VPS13B: variants seen among roughly 807,000 people sequenced by gnomAD.
The protein encoded by VPS13B is vacuolar protein sorting 13 homolog B, also known as intermembrane lipid transfer protein VPS13B.
VPS13B carries 285 observed loss-of-function variants against 426.4 expected under a neutral mutation model. The ratio of observed to expected loss-of-function variants is 0.67; its 90% CI spans 0.61 to 0.74. The LOEUF (loss-of-function observed/expected upper bound fraction) is 0.74, where lower values mean the gene tolerates loss of function less well. VPS13B is among the 30% of genes least tolerant of loss of function. The pLI is 0.00. For synonymous variants in VPS13B, 1,676 were observed against 1,676.4 expected (o/e 1.00, Z 0.01); for missense variants, 4,537 against 4,782.6 (o/e 0.95, Z 1.51).
intron 36 of VPS13B, among the ~76,000 whole-genome samples, chr8:99,707,263 T>C (rs1236178856): frequency 6.6e-6 from 1 of 152,170 alleles, no homozygotes; most frequent in Non-Finnish European, 1.5e-5. Context: ...CAAAAGTTAC[T>C]CTGTAGTGCA....
intron 36 of VPS13B, among the ~76,000 whole-genome samples, chr8:99,715,286 G>A (rs2130303526): frequency 6.6e-6 from 1 of 152,276 alleles, no homozygotes; most frequent in Non-Finnish European, 1.5e-5. Flanking sequence ...CAGTTCAATG[G>A]AACATGTCCT....
Position 99,506,957 on chromosome 8 carries a change from A to G in VPS13B, c.4158-180A>G, listed in dbSNP as rs534715147. ...ATTTACCATGAAGACAAATGTTCTT[A>G]TGCAGAACTGTCAGAGTGCGGTGCT... On this transcript the variant is annotated intron_variant, in intron 27 of 61. Transcript: ENST00000357162. Among the ~76,000 whole-genome samples, 4 of 152,388 alleles carry G rather than the reference A, an allele frequency of 2.6e-5. No individual in the cohort carries two copies. In the South Asian group the frequency reaches 8.3e-4, roughly 32 times the overall value.
intron 33 of VPS13B, among the ~76,000 whole-genome samples, chr8:99,630,290 C>T (rs920548567): frequency 6.6e-6 from 1 of 152,124 alleles, no homozygotes; most frequent in Non-Finnish European, 1.5e-5. Context: ...CCAAATGGGA[C>T]ATTTTCTTTT....
At chr8:99,388,888 C>T (rs528285354) in intron 20 of VPS13B, among the ~76,000 whole-genome samples, 39 of 152,246 alleles carry the variant, frequency 2.6e-4, no homozygotes, top group Non-Finnish European at 4.7e-4. Flanking sequence ...CAGTGGCTCA[C>T]GCCTATAATC....
At chr8:99,430,787 C>T (rs1463270680) in intron 21 of VPS13B, among the ~76,000 whole-genome samples, 1 of 151,084 alleles carries the variant, frequency 6.6e-6, no homozygotes. Flanking sequence ...GCAATCTCAG[C>T]TCATTGCAGC....
chr8:99,084,750 G>T (rs1184400064), intron 3 of VPS13B, among the ~76,000 whole-genome samples: 4 of 152,198 alleles, frequency 2.6e-5, no homozygotes, highest in Non-Finnish European at 4.4e-5. Context: ...CAGTTTCCAT[G>T]TAGTTGAGTG....
chr8:99,187,449 A>G (rs1813282651), intron 16 of VPS13B, among the ~76,000 whole-genome samples: 1 of 152,172 alleles, frequency 6.6e-6, no homozygotes, highest in Admixed American at 6.5e-5. Context: ...TTTGATCTCT[A>G]CTACTTTACC....
chr8:99,339,804 T>C (rs958146042), intron 19 of VPS13B, among the ~76,000 whole-genome samples: 17 of 152,164 alleles, frequency 1.1e-4, no homozygotes, highest in African/African-American at 1.7e-4. Context: ...CTGCATTTTT[T>C]CCCCCAATTC....
chr8:99,230,166 C>A (rs1435433785), intron 17 of VPS13B, among the ~76,000 whole-genome samples: 1 of 152,018 alleles, frequency 6.6e-6, no homozygotes, highest in Admixed American at 6.5e-5. Context: ...ACTTATTATA[C>A]ATGTTGGGGT....
chr8:99,090,998 G>A (rs1301499404), intron 3 of VPS13B, among the ~76,000 whole-genome samples: 2 of 152,148 alleles, frequency 1.3e-5, no homozygotes, highest in Non-Finnish European at 2.9e-5. Flanking sequence ...CCACCAATAT[G>A]AAGGAAAGGA....
intron 40 of VPS13B, 108 bp from the exon 41 acceptor site, chr8:99,776,667 A>G (rs1350817721): frequency 2.0e-6 from 2 of 1,004,018 alleles, no homozygotes; most frequent in South Asian, 2.7e-5. Flanking sequence ...AATATTGACT[A>G]TAGGATTTTC....
chr8:99,515,400 T>TTCCTCCTCC (rs751830064), intron 29 of VPS13B, among the ~76,000 whole-genome samples: 79 of 150,830 alleles, frequency 5.2e-4, no homozygotes, highest in African/African-American at 1.9e-3. Context: ...CTGCTTCTGC[T>TTCCTCCTCC]TCCTCCTCCT....
intron 16 of VPS13B, among the ~76,000 whole-genome samples, chr8:99,173,457 A>T (rs1393244919): frequency 6.6e-6 from 1 of 152,200 alleles, no homozygotes; most frequent in Non-Finnish European, 1.5e-5. Flanking sequence ...CCAGGGCTTA[A>T]AATGATGTTT....
In VPS13B at chr8:99,877,339, ATGTATTAATCCT is replaced by A. The variant is rs1207392899; in HGVS notation, c.*1679_*1690del. ...AGTAACTATTTCTAAAAATGTAAATATGTATTAATCCTTGTATCTTTTATGGTAATTTTGCAT... is the reference window on the plus strand; with the variant it reads ...AGTAACTATTTCTAAAAATGTAAATATGTATCTTTTATGGTAATTTTGCAT... On this transcript the variant is annotated 3_prime_UTR_variant, in exon 62 of 62. Transcript: ENST00000357162. 6.5e-6 allele frequency: 1 copy of A among 152,682 alleles called. No homozygotes were observed. Among genetic ancestry groups the A allele is most frequent in the African/African-American group, 2.4e-5 (1 of 41,470 alleles). The allele number at this position is 152,682 out of a possible 1,614,324, so 9.5% of individuals were successfully genotyped here.
chr8:99,210,640 C>G (rs1588143694), intron 17 of VPS13B, among the ~76,000 whole-genome samples: 1 of 151,900 alleles, frequency 6.6e-6, no homozygotes, highest in East Asian at 1.9e-4. Flanking sequence ...AGTTTTATTT[C>G]CATCTCTCAG....
Position 99,875,633 on chromosome 8 carries a change from G to GA in VPS13B, c.11966dup (p.Asn3989LysfsTer2). ...TCTTCCTTAGTAAATTTACCATGGT[G>GA]AAAAATAAAGCCCTGAGGAAAGGGT... On this transcript the variant is annotated frameshift_variant, in exon 62 of 62. Coordinates refer to ENST00000357162, the MANE Select transcript of VPS13B (RefSeq NM_152564.5). LOFTEE classifies it high-confidence loss of function. 1.2e-6 allele frequency: 2 copies of GA among 1,614,166 alleles called. No individual in the cohort carries two copies. Among genetic ancestry groups the GA allele is most frequent in the Non-Finnish European group, 1.7e-6 (2 of 1,180,028 alleles).
At position 99,828,394 on chromosome 8, in the gene VPS13B, G is replaced by GTTTTTTTTTTTTTTTTTTTTTTT. The variant is rs555108452; in HGVS notation, c.9331-3957_9331-3935dup. Among the ~76,000 whole-genome samples the GTTTTTTTTTTTTTTTTTTTTTTT allele has an allele frequency of 2.1e-3, 37 of 17,424 alleles. 14 individuals are homozygous for GTTTTTTTTTTTTTTTTTTTTTTT. Among genetic ancestry groups the GTTTTTTTTTTTTTTTTTTTTTTT allele is most frequent in the Admixed American group, 3.9e-3 (5 of 1,290 alleles). 11.4% of individuals were successfully genotyped at this position (17,424 alleles called of 152,430 possible). A position where few individuals can be genotyped will look rare whatever the true frequency, so the allele number is the denominator to read the frequency against. ...ATCAGAGACTAGGATTACAACCACC[G>GTTTTTTTTTTTTTTTTTTTTTTT]TTTTTTTTTTTTTTTTTTTTTTTTT... On this transcript the variant is annotated intron_variant, in intron 51 of 61. Transcript: ENST00000357162.
intron 21 of VPS13B, among the ~76,000 whole-genome samples, chr8:99,408,848 A>G (rs932016855): frequency 6.6e-6 from 1 of 152,186 alleles, no homozygotes; most frequent in African/African-American, 2.4e-5. Context: ...AGAAAGAGCT[A>G]CAACTGAGGT....
intron 56 of VPS13B, among the ~76,000 whole-genome samples, chr8:99,857,919 A>G (rs1403357117): frequency 6.6e-6 from 1 of 152,166 alleles, no homozygotes; most frequent in African/African-American, 2.4e-5. Context: ...TAGTGTTATC[A>G]TCCTAACGTT....
Sources: gnomAD v4.1 joint callset for allele counts (sites outside exome capture counted in the v4.1 genomes callset) on GRCh38, gnomAD v4.1.1 for gene constraint, MANE v1.5 for transcripts, NCBI Gene and HGNC (gene_info 2026-07-23, HGNC 2026-07-21) for gene names.